Variants in PHACTR3 observed in about 807,000 individuals in gnomAD.
PHACTR3 encodes the protein protein phosphatase 1, regulatory subunit 123.
Under a neutral mutation model 66.8 loss-of-function variants are expected in PHACTR3, and 16 were observed. The observed-to-expected ratio is 0.24, with a 90% CI of 0.16 to 0.36. The LOEUF (loss-of-function observed/expected upper bound fraction) is 0.36. Ranked by LOEUF, PHACTR3 falls within the 10% of genes least tolerant of loss-of-function variation. The pLI is 1.00. For missense variants in PHACTR3, 647 were observed against 719.9 expected (o/e 0.90, Z 1.16); for synonymous variants, 323 against 292.1 (o/e 1.11, Z -1.08).
At chr20:59,819,742 G>T (rs1226630242) in intron 8 of PHACTR3, among the ~76,000 whole-genome samples, 1 of 151,614 alleles carries the variant, frequency 6.6e-6, no homozygotes, top group African/African-American at 2.4e-5. Flanking sequence ...TGAGGCACCT[G>T]ATTGGGCCGG....
At chr20:59,783,553 C>T (rs1424592348) in intron 7 of PHACTR3, among the ~76,000 whole-genome samples, 7 of 152,068 alleles carry the variant, frequency 4.6e-5, no homozygotes, top group Admixed American at 6.6e-5. Context: ...CTGCTATTAC[C>T]GCTTTTTTTG....
chr20:59,771,872 A>G (rs1412979813), intron 5 of PHACTR3, among the ~76,000 whole-genome samples: 3 of 152,176 alleles, frequency 2.0e-5, no homozygotes, highest in Non-Finnish European at 4.4e-5. Context: ...TTGTATTGGA[A>G]GTTTGTTTCT....
chr20:59,763,119 G>GA (rs2040054378), intron 4 of PHACTR3, among the ~76,000 whole-genome samples: 1 of 148,718 alleles, frequency 6.7e-6, no homozygotes, highest in African/African-American at 2.6e-5. Context: ...TTGAATCACA[G>GA]GGGGGCAGTT....
chr20:59,674,220 C>A (rs1486279689), intron 1 of PHACTR3, among the ~76,000 whole-genome samples: 3 of 148,282 alleles, frequency 2.0e-5, no homozygotes, highest in African/African-American at 7.8e-5. Context: ...CAGCCTGTGG[C>A]TGCTGCGTTT....
intron 1 of PHACTR3, among the ~76,000 whole-genome samples, chr20:59,584,321 G>A (rs989604630): frequency 2.0e-5 from 3 of 151,460 alleles, no homozygotes; most frequent in Non-Finnish European, 4.4e-5. Context: ...TGTGTGTGAG[G>A]GTGTGAAGCT....
intron 4 of PHACTR3, among the ~76,000 whole-genome samples, chr20:59,762,940 G>A (rs1024390119): frequency 1.3e-5 from 2 of 152,238 alleles, no homozygotes; most frequent in Admixed American, 6.5e-5. Context: ...GAGAAGGATG[G>A]CGTGGGGCAT....
intron 1 of PHACTR3, among the ~76,000 whole-genome samples, chr20:59,609,656 C>G (rs1329807383): frequency 1.3e-5 from 2 of 152,204 alleles, no homozygotes; most frequent in Admixed American, 6.5e-5. Context: ...TGCCCCCTTC[C>G]TGGGCGTGGG....
chr20:59,647,517 G>T (rs749107472), intron 1 of PHACTR3, among the ~76,000 whole-genome samples: 22 of 152,162 alleles, frequency 1.4e-4, no homozygotes, highest in Non-Finnish European at 5.9e-5. Context: ...AGGTCCATTG[G>T]CAGGACTGAG....
In PHACTR3 at chr20:59,604,682, A is replaced by T. The variant is rs945534040; in HGVS notation, c.-333A>T. 1.4e-5 allele frequency: 14 copies of T among 1,013,512 alleles called. No homozygotes were observed. Among genetic ancestry groups the T allele is most frequent in the South Asian group, 4.6e-5 (1 of 21,512 alleles). The allele number at this position is 1,013,512 out of a possible 1,614,324, so 62.8% of individuals were successfully genotyped here. ...CAAGCACGCAATAAACACTGACAAGAAAAAGTTTTTATTTCCTGGTTCAAC... is the reference window on the plus strand; with the variant it reads ...CAAGCACGCAATAAACACTGACAAGTAAAAGTTTTTATTTCCTGGTTCAAC... On this transcript the variant is annotated 5_prime_UTR_variant, in exon 1 of 13. Transcript: ENST00000371015.
At position 59,658,170 on chromosome 20, in the gene PHACTR3, C is replaced by A. The variant is rs192936991; in HGVS notation, c.118+53038C>A. Among the ~76,000 whole-genome samples, 5 of 152,064 alleles carry A rather than the reference C, an allele frequency of 3.3e-5. No homozygotes were observed. The East Asian group carries it at 9.6e-4, about 29-fold the overall frequency. ...TACATTAGATTATTTTAAATAATTT[C>A]TATCTCTTTATTGACATTATCTATT... On this transcript the variant is annotated intron_variant, in intron 1 of 12. Coordinates refer to ENST00000371015, the MANE Select transcript of PHACTR3 (RefSeq NM_080672.5).
intron 8 of PHACTR3, among the ~76,000 whole-genome samples, chr20:59,828,052 C>T (rs1230699199): frequency 6.6e-6 from 1 of 152,220 alleles, no homozygotes; most frequent in Non-Finnish European, 1.5e-5. Flanking sequence ...AGACTGGCCC[C>T]CCATTCCACT....
intron 4 of PHACTR3, among the ~76,000 whole-genome samples, chr20:59,763,495 C>A (rs1028991810): frequency 2.0e-5 from 3 of 152,134 alleles, no homozygotes; most frequent in African/African-American, 7.2e-5. Flanking sequence ...GTTGAATGAG[C>A]AAGAGGGAAG....
intron 3 of PHACTR3, among the ~76,000 whole-genome samples, chr20:59,748,916 G>T (rs1257081368): frequency 6.6e-6 from 1 of 152,178 alleles, no homozygotes; most frequent in Non-Finnish European, 1.5e-5. Context: ...ATGCAGCCGG[G>T]CCTGTCAGCA....
chr20:59,645,637 T>C lies in PHACTR3; in HGVS notation c.118+40505T>C, dbSNP rs2035256721. On this transcript the variant is annotated intron_variant, in intron 1 of 12. Coordinates refer to ENST00000371015, the MANE Select transcript of PHACTR3 (RefSeq NM_080672.5). Reference sequence around the variant, plus strand: ...AATTAAATGTTGCTTATATTGCATATAAAACATAAATTTATATAATGATAT... The same window carrying C: ...AATTAAATGTTGCTTATATTGCATACAAAACATAAATTTATATAATGATAT... 2.0e-5 allele frequency among the ~76,000 whole-genome samples: 3 copies of C among 152,182 alleles called. No homozygotes were observed. The South Asian group carries it at 6.2e-4, about 32-fold the overall frequency.
At chr20:59,584,768 AC>A (rs1354736007) in intron 1 of PHACTR3, among the ~76,000 whole-genome samples, 1 of 151,888 alleles carries the variant, frequency 6.6e-6, no homozygotes, top group Non-Finnish European at 1.5e-5. Flanking sequence ...CGTGGAGTGT[AC>A]CCATCTGTCA....
intron 1 of PHACTR3, among the ~76,000 whole-genome samples, chr20:59,636,124 A>G (rs2034894809): frequency 6.6e-6 from 1 of 151,944 alleles, no homozygotes; most frequent in African/African-American, 2.4e-5. Flanking sequence ...CATCACTTTT[A>G]TGTATTTATT....
chr20:59,778,080 T>C (rs556630060), intron 7 of PHACTR3, among the ~76,000 whole-genome samples: 307 of 152,296 alleles, frequency 2.0e-3, no homozygotes, highest in Non-Finnish European at 3.4e-3. Flanking sequence ...TCTGTTCCCC[T>C]TGGAGCAGTT....
chr20:59,640,077 A>G (rs2035049017), intron 1 of PHACTR3, among the ~76,000 whole-genome samples: 1 of 152,222 alleles, frequency 6.6e-6, no homozygotes, highest in African/African-American at 2.4e-5. Flanking sequence ...ACAGTAGAGC[A>G]TAGCAGATGG....
chr20:59,623,953 T>C (rs1223299781), intron 1 of PHACTR3, among the ~76,000 whole-genome samples: 1 of 152,172 alleles, frequency 6.6e-6, no homozygotes, highest in Non-Finnish European at 1.5e-5. Flanking sequence ...TTGGTGCCCA[T>C]GGGCGTTGTG....
Sources: allele counts gnomAD v4.1 joint callset (sites outside exome capture counted in the v4.1 genomes callset), GRCh38; gene constraint gnomAD v4.1.1; transcripts MANE v1.5; gene names NCBI Gene and HGNC (gene_info 2026-07-23, HGNC 2026-07-21).